Variants in ZNF556 observed in about 807,000 individuals in gnomAD.
ZNF556 encodes zinc finger protein 556.
In ZNF556, 11 loss-of-function variants were observed where a neutral mutation model predicts 13.6. The ratio of observed to expected loss-of-function variants is 0.81; its 90% CI spans 0.51 to 1.33. The LOEUF (loss-of-function observed/expected upper bound fraction) is 1.33. Ranked by LOEUF, ZNF556 falls within the 40% of genes most tolerant of loss-of-function variation. The probability of loss-of-function intolerance (pLI) is 0.00; values close to 1 mark genes in which losing one functional copy is unlikely to be tolerated. For synonymous variants in ZNF556, 229 were observed against 207.8 expected (o/e 1.10, Z -0.88); for missense variants, 633 against 566.2 (o/e 1.12, Z -1.20).
chr19:2,872,687 C>T (rs10411110), intron 1 of ZNF556, among the ~76,000 whole-genome samples: 51,780 of 151,414 alleles, frequency 0.34, 9,167 homozygotes, highest in South Asian at 0.43. Context: ...GGTGTGGTGG[C>T]GGGCACCTGT....
chr19:2,877,958 G>T lies in ZNF556; in HGVS notation c.1000G>T (p.Ala334Ser). 5 of 1,614,146 alleles carry T rather than the reference G, an allele frequency of 3.1e-6. No homozygotes were observed. The highest frequency in any genetic ancestry group is 4.2e-6 in the Non-Finnish European group (5 of 1,180,016). ...TTGGCCCTCATCCTTACACAAACACGCGAGAACGCATGCTAAAAAGAAACC... is the reference window on the plus strand; with the variant it reads ...TTGGCCCTCATCCTTACACAAACACTCGAGAACGCATGCTAAAAAGAAACC... ...FGWPSSLHKH[A>S]RTHAKKKPVS... The change falls in exon 4 of 4, where the codon GCG becomes TCG. Residue 334 changes from alanine (A) to serine (S), a missense_variant. Physicochemically the swap from Ala to Ser is moderately conservative, Grantham distance 99. Coordinates refer to ENST00000307635, the MANE Select transcript of ZNF556 (RefSeq NM_024967.3).
In ZNF556 at chr19:2,881,762, A is replaced by G. The variant is rs994134708; in HGVS notation, c.*3433A>G. 6.6e-6 allele frequency: 1 copy of G among 151,736 alleles called. No homozygotes were observed. The highest frequency in any genetic ancestry group is 1.5e-5 in the Non-Finnish European group (1 of 67,934). 9.4% of individuals were successfully genotyped at this position (151,736 alleles called of 1,614,324 possible). On this transcript the variant is annotated 3_prime_UTR_variant, in exon 4 of 4. Transcript: ENST00000307635. ...CTTAAATACTATTTCTTTTTTTTTA[A>G]TACTATTTCAAGAACTGCTCATGAG...
At position 2,876,123 on chromosome 19, in the gene ZNF556, C is replaced by G. The variant is rs764544547; in HGVS notation, c.161C>G (p.Ser54Cys). 6.2e-7 allele frequency: 1 copy of G among 1,611,606 alleles called. No individual in the cohort carries two copies. The highest frequency in any genetic ancestry group is 1.3e-5 in the African/African-American group (1 of 74,824). ...DNEAQLKASGSISQQDTSGEK... is the reference protein window; with the variant it reads ...DNEAQLKASGCISQQDTSGEK... Reference sequence around the variant, plus strand: ...GAGGCTCAGCTTAAAGCCAGTGGGTCTATTTCTCAGCAGGATACTTCTGGA... The same window carrying G: ...GAGGCTCAGCTTAAAGCCAGTGGGTGTATTTCTCAGCAGGATACTTCTGGA... Residue 54 changes from serine to cysteine, a missense_variant, in exon 3 of 4, where the codon TCT becomes TGT. Transcript: ENST00000307635.
chr19:2,872,201 G>A (rs757958528), intron 1 of ZNF556, among the ~76,000 whole-genome samples: 9 of 152,108 alleles, frequency 5.9e-5, no homozygotes, highest in Non-Finnish European at 8.8e-5. Context: ...TCCACAAGAG[G>A]TGGAGGAGTA....
chr19:2,875,882 T>G (rs1378328771), intron 2 of ZNF556, among the ~76,000 whole-genome samples: 1 of 152,084 alleles, frequency 6.6e-6, no homozygotes, highest in African/African-American at 2.4e-5. Context: ...GAGAATCGCT[T>G]GAACCCGGGA....
Position 2,877,883 on chromosome 19 carries a change from C to T in ZNF556, c.925C>T (p.His309Tyr), listed in dbSNP as rs752678182. Residue 309 changes from histidine (H) to tyrosine (Y), a missense_variant, in exon 4 of 4, where the codon CAC (histidine) becomes TAC (tyrosine). Coordinates refer to ENST00000307635, the MANE Select transcript of ZNF556 (RefSeq NM_024967.3). The stretch of plus-strand genomic sequence containing the variant: ...ATCCTTTCAACGACACGTGAGAATT[C>T]ACAACGGGGAGAAACCCTATAAGTG... Reference protein sequence around the residue: ...ATSFQRHVRIHNGEKPYKCGK... With the variant: ...ATSFQRHVRIYNGEKPYKCGK... The T allele has an allele frequency of 6.2e-7, 1 of 1,614,200 alleles. No homozygotes were observed. Among genetic ancestry groups the T allele is most frequent in the Non-Finnish European group, 8.5e-7 (1 of 1,180,038 alleles).
In ZNF556 at chr19:2,878,368, T is replaced by C. The variant is rs779879324; in HGVS notation, c.*39T>C. ...GTGCAAATTAATTCACATACATGGTTCAGAAAATTCACAGCAGGAGGGCCG... is the reference window on the plus strand; with the variant it reads ...GTGCAAATTAATTCACATACATGGTCCAGAAAATTCACAGCAGGAGGGCCG... On this transcript the variant is annotated 3_prime_UTR_variant, in exon 4 of 4. Coordinates refer to ENST00000307635, the MANE Select transcript of ZNF556 (RefSeq NM_024967.3). The C allele has an allele frequency of 5.0e-6, 8 of 1,587,464 alleles. No homozygotes were observed. Among genetic ancestry groups the C allele is most frequent in the Non-Finnish European group, 5.1e-6 (6 of 1,166,690 alleles).
In ZNF556 at chr19:2,870,393, G is replaced by T. The variant is rs72984603; in HGVS notation, c.3+2969G>T. On this transcript the variant is annotated intron_variant, in intron 1 of 3. Transcript: ENST00000307635. ...CTTGAGCCCAGGAGTTCAAGGCTGC[G>T]GCGAGTTCTCATTGCGCCATTGCAC... is the stretch of plus-strand genomic sequence containing the variant. Among the ~76,000 whole-genome samples the T allele has an allele frequency of 3.3e-5, 5 of 152,268 alleles. No individual in the cohort carries two copies. In the South Asian group the frequency reaches 1.0e-3, roughly 32 times the overall value.
rs752627435 is a variant in ZNF556, at chr19:2,876,149, G to A, written c.187G>A (p.Glu63Lys). 6.2e-7 allele frequency: 1 copy of A among 1,612,818 alleles called. No individual in the cohort carries two copies. Among genetic ancestry groups the A allele is most frequent in the Non-Finnish European group, 8.5e-7 (1 of 1,179,694 alleles). Reference sequence around the variant, plus strand: ...TATTTCTCAGCAGGATACTTCTGGAGAAAAATTATCCCTCAAACAGAAAAT... The same window carrying A: ...TATTTCTCAGCAGGATACTTCTGGAAAAAAATTATCCCTCAAACAGAAAAT... ...GSISQQDTSG[E>K]KLSLKQKIEK... The change falls in exon 3 of 4, where the codon GAA (glutamate) becomes AAA (lysine). Residue 63 changes from glutamate (E) to lysine (K), a missense_variant. Coordinates refer to ENST00000307635, the MANE Select transcript of ZNF556 (RefSeq NM_024967.3).
Position 2,882,926 on chromosome 19 carries a change from T to C in ZNF556, c.*4597T>C, listed in dbSNP as rs2087916321. On this transcript the variant is annotated 3_prime_UTR_variant, in exon 4 of 4. Transcript: ENST00000307635. ...TACTTCATCTGGATTTGAACCACAA[T>C]GTGGGTGTTTGTTTTTAATACCTTT... The C allele has an allele frequency of 6.6e-6, 1 of 152,198 alleles. No individual in the cohort carries two copies. The highest frequency in any genetic ancestry group is 1.5e-5 in the Non-Finnish European group (1 of 68,052). The allele number at this position is 152,198 out of a possible 1,614,324, so 9.4% of individuals were successfully genotyped here.
intron 1 of ZNF556, 47 bp downstream of exon 1, chr19:2,867,471 G>T (rs2087765549): frequency 6.4e-7 from 1 of 1,571,106 alleles, no homozygotes; most frequent in Admixed American, 1.9e-5. Context: ...CCTGGGAGGG[G>T]AGGGTTGGAA....
chr19:2,877,467 C>G lies in ZNF556; in HGVS notation c.509C>G (p.Ser170Cys), dbSNP rs1264446813. ...SSLIRHKRAH[S>C]GQKLYKCKEC... ...CTGATAAGGCACAAAAGAGCTCACT[C>G]TGGACAAAAATTATATAAATGTAAG... is the stretch of plus-strand genomic sequence containing the variant. Residue 170 changes from serine (S) to cysteine (C), a missense_variant, in exon 4 of 4, where the codon TCT (serine) becomes TGT (cysteine). Coordinates refer to ENST00000307635, the MANE Select transcript of ZNF556 (RefSeq NM_024967.3). The G allele has an allele frequency of 6.8e-6, 11 of 1,614,178 alleles. No individual in the cohort carries two copies. The highest frequency in any genetic ancestry group is 9.3e-6 in the Non-Finnish European group (11 of 1,180,032).
intron 1 of ZNF556, among the ~76,000 whole-genome samples, chr19:2,872,805 C>T (rs1232558507): frequency 1.0e-4 from 13 of 127,704 alleles, no homozygotes; most frequent in South Asian, 2.5e-4. Flanking sequence ...GGTGACAGAG[C>T]GAGACTCCAT....
At chr19:2,871,104 C>T (rs1459039051) in intron 1 of ZNF556, among the ~76,000 whole-genome samples, 1 of 151,178 alleles carries the variant, frequency 6.6e-6, no homozygotes. Context: ...ACAGAGGTTG[C>T]AGTGAGCTGA....
At chr19:2,872,389 G>C (rs1185305300) in intron 1 of ZNF556, among the ~76,000 whole-genome samples, 1 of 151,590 alleles carries the variant, frequency 6.6e-6, no homozygotes, top group Non-Finnish European at 1.5e-5. Flanking sequence ...GCCCTGTCTG[G>C]GCATAACAGA....
In ZNF556 at chr19:2,876,250, G is replaced by C. The variant is rs1271164870; in HGVS notation, c.288G>C (p.Lys96Asn). 8.1e-6 allele frequency: 13 copies of C among 1,601,216 alleles called. No individual in the cohort carries two copies. The South Asian group carries it at 1.5e-4, about 18-fold the overall frequency. The change falls in exon 3 of 4, where the codon AAG becomes AAC. Residue 96 changes from lysine (K) to asparagine (N), a missense_variant. Transcript: ENST00000307635. ...GGGAAGAACATAGCGTTAAAGACAA[G>C]CACAACACCAAGGAGAGACATTTGA... ...KNWEEHSVKD[K>N]HNTKERHLSR...
chr19:2,883,288 AAAAT>A lies in ZNF556; in HGVS notation c.*4962_*4965del, dbSNP rs2087918425. The A allele has an allele frequency of 6.6e-6, 1 of 152,218 alleles. No homozygotes were observed. Among genetic ancestry groups the A allele is most frequent in the Non-Finnish European group, 1.5e-5 (1 of 68,042 alleles). The allele number at this position is 152,218 out of a possible 1,614,324, so 9.4% of individuals were successfully genotyped here. A position where few individuals can be genotyped will look rare whatever the true frequency, so the allele number is the denominator to read the frequency against. On this transcript the variant is annotated 3_prime_UTR_variant, in exon 4 of 4. Transcript: ENST00000307635. ...AATTAATTTTTATTTTTTTAATTAA[AAAAT>A]AATTTTTAAGTGTAAACCTTTAATG... is the stretch of plus-strand genomic sequence containing the variant.
intron 1 of ZNF556, among the ~76,000 whole-genome samples, chr19:2,869,911 C>G (rs1201347450): frequency 6.6e-6 from 1 of 152,134 alleles, no homozygotes; most frequent in Non-Finnish European, 1.5e-5. Context: ...TGCCTCACTT[C>G]CTGTCACTCG....
At chr19:2,871,550 A>G (rs2087802741) in intron 1 of ZNF556, among the ~76,000 whole-genome samples, 1 of 152,068 alleles carries the variant, frequency 6.6e-6, no homozygotes, top group Non-Finnish European at 1.5e-5. Flanking sequence ...GCGGTGGTTC[A>G]CGCCTGTAAT....
Sources: allele counts gnomAD v4.1 joint callset (sites outside exome capture counted in the v4.1 genomes callset), GRCh38; gene constraint gnomAD v4.1.1; transcripts MANE v1.5; gene names NCBI Gene and HGNC (gene_info 2026-07-23, HGNC 2026-07-21).